The following CACNA2D1 variants were observed in gnomAD, a reference collection of about 807,000 sequenced individuals.
CACNA2D1 encodes voltage-dependent calcium channel subunit alpha-2/delta-1.
Under a neutral mutation model 171.5 loss-of-function variants are expected in CACNA2D1, and 53 were observed. The observed-to-expected ratio is 0.31, with a 90% confidence interval of 0.25 to 0.39. CACNA2D1 has a LOEUF of 0.39. Among genes scored for constraint, CACNA2D1 ranks in the 10% least tolerant of loss-of-function variants. The pLI is 1.00. For missense variants in CACNA2D1, 903 were observed against 1,299.8 expected, an observed-to-expected ratio of 0.69 and a Z score of 4.69; for synonymous variants, 442 against 443.1, an observed-to-expected ratio of 1.00 and a Z score of 0.03.
chr7:82,063,563 T>TC (rs1807223748), intron 9 of CACNA2D1, among the ~76,000 whole-genome samples: 1 of 151,710 alleles, frequency 6.6e-6, no homozygotes, highest in Non-Finnish European at 1.5e-5. Context: ...AAAGATTTTT[T>TC]TTTTTTTTTC....
chr7:82,174,425 G>C (rs1483212664), intron 3 of CACNA2D1, among the ~76,000 whole-genome samples: 1 of 151,976 alleles, frequency 6.6e-6, no homozygotes, highest in Non-Finnish European at 1.5e-5. Context: ...TTTATAAAAA[G>C]TAATAGATGT....
intron 12 of CACNA2D1, among the ~76,000 whole-genome samples, chr7:82,024,570 A>G (rs1309682843): frequency 2.0e-5 from 3 of 151,648 alleles, no homozygotes; most frequent in African/African-American, 4.8e-5. Context: ...TATGGCTTGT[A>G]AATATTTTCC....
intron 30 of CACNA2D1, 110 bp from the exon 31 acceptor site, chr7:81,967,317 A>G: frequency 1.1e-6 from 1 of 926,294 alleles, no homozygotes; most frequent in Non-Finnish European, 1.7e-6. Flanking sequence ...GTAGAAAAAT[A>G]AGATTAAACA....
At position 82,038,269 on chromosome 7, in the gene CACNA2D1, A is replaced by C. The variant is rs892638429; in HGVS notation, c.880-34T>G. Reference sequence around the variant, plus strand: ...GATTAAAAAGTAAATATATAAATGAACATTAAAATCAACCATATAGTTTTC... The same window carrying C: ...GATTAAAAAGTAAATATATAAATGACCATTAAAATCAACCATATAGTTTTC... On this transcript the variant is annotated intron_variant, in intron 10 of 38. Transcript: ENST00000356860. The C allele has an allele frequency of 2.6e-6, 4 of 1,559,304 alleles. No individual in the cohort carries two copies. In the African/African-American group the frequency reaches 4.1e-5, roughly 16 times the overall value.
intron 18 of CACNA2D1, among the ~76,000 whole-genome samples, chr7:81,999,311 A>G (rs1798354449): frequency 6.6e-6 from 1 of 152,214 alleles, no homozygotes; most frequent in Non-Finnish European, 1.5e-5. Flanking sequence ...ACAAAATTCA[A>G]AAGCATAATC....
chr7:82,392,178 G>T (rs2129450720), intron 1 of CACNA2D1, among the ~76,000 whole-genome samples: 1 of 152,216 alleles, frequency 6.6e-6, no homozygotes, highest in South Asian at 2.1e-4. Context: ...TCCCTAATTG[G>T]TTTTTCATGC....
intron 4 of CACNA2D1, among the ~76,000 whole-genome samples, chr7:82,147,390 ATAT>A (rs1793268316): frequency 1.3e-5 from 2 of 152,174 alleles, no homozygotes; most frequent in African/African-American, 4.8e-5. Flanking sequence ...GAAGGTAAAT[ATAT>A]TATTTTCCTC....
chr7:82,431,079 T>C lies in CACNA2D1; in HGVS notation c.95+12286A>G, dbSNP rs181626534. 2.9e-4 allele frequency among the ~76,000 whole-genome samples: 44 copies of C among 152,292 alleles called. No homozygotes were observed. The East Asian group carries it at 7.5e-3, about 26-fold the overall frequency. On this transcript the variant is annotated intron_variant, in intron 1 of 38. Coordinates refer to ENST00000356860, the MANE Select transcript of CACNA2D1 (RefSeq NM_000722.4). The stretch of plus-strand genomic sequence containing the variant: ...TAGGACACTGGTTTTGTCCTTAACC[T>C]AGGGATGGAACAGTTCACCCACCCT...
At chr7:82,258,686 C>T (rs904544569) in intron 3 of CACNA2D1, among the ~76,000 whole-genome samples, 11 of 152,182 alleles carry the variant, frequency 7.2e-5, no homozygotes, top group Admixed American at 3.3e-4. Context: ...CTTCAAAAGA[C>T]GATGTTCTCC....
intron 3 of CACNA2D1, among the ~76,000 whole-genome samples, chr7:82,195,965 C>T (rs1798811887): frequency 6.6e-6 from 1 of 151,966 alleles, no homozygotes; most frequent in Non-Finnish European, 1.5e-5. Flanking sequence ...GCAGAAATTC[C>T]CACTTTGGGG....
At chr7:82,137,025 A>G (rs901294131) in intron 4 of CACNA2D1, among the ~76,000 whole-genome samples, 20 of 152,334 alleles carry the variant, frequency 1.3e-4, no homozygotes, top group Non-Finnish European at 2.5e-4. Context: ...AGCATGTAAG[A>G]TACGTGTCTT....
At chr7:82,180,476 T>C (rs1429683880) in intron 3 of CACNA2D1, among the ~76,000 whole-genome samples, 1 of 152,188 alleles carries the variant, frequency 6.6e-6, no homozygotes, top group Non-Finnish European at 1.5e-5. Context: ...TGTGAAATTG[T>C]GGTCGGCTAG....
intron 1 of CACNA2D1, among the ~76,000 whole-genome samples, chr7:82,377,265 G>A (rs1243879368): frequency 2.0e-5 from 3 of 152,158 alleles, no homozygotes; most frequent in Non-Finnish European, 4.4e-5. Context: ...TAAAGCTTCA[G>A]AGTTGCTTTG....
chr7:82,332,902 G>A (rs1418787852), intron 3 of CACNA2D1, among the ~76,000 whole-genome samples: 1 of 152,168 alleles, frequency 6.6e-6, no homozygotes, highest in East Asian at 1.9e-4. Flanking sequence ...GGAAGGCTGA[G>A]GTGGGAGGGC....
chr7:82,413,480 T>C (rs971792140), intron 1 of CACNA2D1, among the ~76,000 whole-genome samples: 3 of 152,178 alleles, frequency 2.0e-5, no homozygotes, highest in Non-Finnish European at 2.9e-5. Context: ...ATGGCTGACA[T>C]TGGGTTTGGC....
chr7:82,061,336 A>G (rs1273542963), intron 9 of CACNA2D1, among the ~76,000 whole-genome samples: 1 of 152,062 alleles, frequency 6.6e-6, no homozygotes, highest in Non-Finnish European at 1.5e-5. Flanking sequence ...TTCCAAGGCT[A>G]TGGTCCCCTC....
chr7:82,098,358 T>C (rs1167834052), intron 6 of CACNA2D1, among the ~76,000 whole-genome samples: 1 of 152,206 alleles, frequency 6.6e-6, no homozygotes, highest in East Asian at 1.9e-4. Context: ...TATATAAAAC[T>C]CACTCTATCA....
intron 1 of CACNA2D1, among the ~76,000 whole-genome samples, chr7:82,404,702 T>C (rs1410111360): frequency 6.6e-6 from 1 of 152,200 alleles, no homozygotes; most frequent in Non-Finnish European, 1.5e-5. Flanking sequence ...CAGTCAATAC[T>C]ATTAATTTTA....
At chr7:82,016,643 T>C (rs1412484172) in intron 12 of CACNA2D1, among the ~76,000 whole-genome samples, 8 of 135,792 alleles carry the variant, frequency 5.9e-5, no homozygotes, top group African/African-American at 1.8e-4. Context: ...CTTGTTGCTT[T>C]ATTTATTTTG....
Sources: allele counts gnomAD v4.1 joint callset (sites outside exome capture counted in the v4.1 genomes callset), GRCh38; gene constraint gnomAD v4.1.1; transcripts MANE v1.5; gene names NCBI Gene and HGNC (gene_info 2026-07-23, HGNC 2026-07-21).